CNTNAP3B: variants seen among roughly 807,000 people sequenced by gnomAD.
The protein encoded by CNTNAP3B is contactin associated protein family member 3B, also known as contactin-associated protein-like 3B.
A neutral mutation model predicts 108.9 loss-of-function variants in CNTNAP3B; 25 were observed. That is an observed-to-expected ratio of 0.23 (90% CI 0.17 to 0.32). The LOEUF is 0.32. CNTNAP3B is among the 10% of genes least tolerant of loss of function. The probability of loss-of-function intolerance (pLI) is 1.00; values close to 1 mark genes in which losing one functional copy is unlikely to be tolerated. For synonymous variants in CNTNAP3B, 103 were observed against 473.4 expected (o/e 0.22, Z 10.16); for missense variants, 252 against 1,210.4 (o/e 0.21, Z 11.75).
At chr9:41,928,503 A>G in intron 15 of CNTNAP3B, among the ~76,000 whole-genome samples, 1 of 152,070 alleles carries the variant, frequency 6.6e-6, no homozygotes, top group Non-Finnish European at 1.5e-5. Context: ...AGCTGCCTAC[A>G]CGATTGGCTA....
At chr9:41,973,747 C>A (rs1373876935) in intron 9 of CNTNAP3B, among the ~76,000 whole-genome samples, 1 of 139,484 alleles carries the variant, frequency 7.2e-6, no homozygotes, top group Non-Finnish European at 1.5e-5. Flanking sequence ...GCTTGAAAAA[C>A]ACTTCAAAAA....
intron 13 of CNTNAP3B, among the ~76,000 whole-genome samples, chr9:41,940,074 AC>A (rs1222769364): frequency 1.3e-5 from 2 of 152,298 alleles, no homozygotes. Context: ...ATCTAACCTG[AC>A]CAAAAAAGAG....
intron 2 of CNTNAP3B, among the ~76,000 whole-genome samples, chr9:42,095,570 T>C (rs1827882694): frequency 7.2e-6 from 1 of 138,070 alleles, no homozygotes; most frequent in Admixed American, 7.2e-5. Flanking sequence ...TCCGTCAGAA[T>C]CATTCTGCAG....
At chr9:41,995,790 C>T (rs1406377457) in intron 7 of CNTNAP3B, among the ~76,000 whole-genome samples, 1 of 135,056 alleles carries the variant, frequency 7.4e-6, no homozygotes, top group Admixed American at 7.3e-5. Flanking sequence ...AATCCCAGCA[C>T]TTTGGAAGGC....
chr9:41,977,345 T>C (rs1175434286), intron 9 of CNTNAP3B, among the ~76,000 whole-genome samples: 3 of 149,204 alleles, frequency 2.0e-5, no homozygotes, highest in Non-Finnish European at 4.4e-5. Context: ...TAGTGCTTCC[T>C]AAATATTTTA....
intron 14 of CNTNAP3B, among the ~76,000 whole-genome samples, chr9:41,935,264 G>C (rs1297882827): frequency 6.6e-6 from 1 of 152,208 alleles, no homozygotes; most frequent in East Asian, 1.9e-4. Flanking sequence ...GCTTAGACGA[G>C]TTGCTGATTA....
chr9:41,940,805 A>T (rs1258656152), intron 13 of CNTNAP3B, among the ~76,000 whole-genome samples: 4 of 152,114 alleles, frequency 2.6e-5, no homozygotes, highest in African/African-American at 9.7e-5. Flanking sequence ...ACAGAGTGAG[A>T]CTCCATCTCC....
At chr9:42,080,695 G>A (rs1265080511) in intron 2 of CNTNAP3B, among the ~76,000 whole-genome samples, 1 of 113,462 alleles carries the variant, frequency 8.8e-6, no homozygotes, top group South Asian at 2.9e-4. Context: ...CATAAAGTTG[G>A]GAGTGAGGGG....
intron 1 of CNTNAP3B, among the ~76,000 whole-genome samples, chr9:42,120,929 A>G (rs1377320251): frequency 7.2e-6 from 1 of 138,160 alleles, no homozygotes; most frequent in East Asian, 2.2e-4. Flanking sequence ...TATGCAACAA[A>G]CCTGCACGTT....
intron 9 of CNTNAP3B, among the ~76,000 whole-genome samples, chr9:41,972,969 A>G (rs62556376): frequency 1 from 79,486 of 79,582 alleles, 39,695 homozygotes; most frequent in Middle Eastern, 1. Context: ...CCTGAGTCTC[A>G]TGCTGTCACC....
chr9:41,934,358 A>G (rs1824088633), intron 14 of CNTNAP3B, among the ~76,000 whole-genome samples: 1 of 152,158 alleles, frequency 6.6e-6, no homozygotes. Context: ...AGCTGGGACT[A>G]CAGGCGCCCA....
chr9:42,123,769 T>C (rs2118751498), intron 1 of CNTNAP3B, among the ~76,000 whole-genome samples: 1 of 137,190 alleles, frequency 7.3e-6, no homozygotes, highest in East Asian at 2.2e-4. Context: ...GTTATATATT[T>C]CCTGGAAAAA....
chr9:41,913,588 A>T (rs1358114667), intron 18 of CNTNAP3B, among the ~76,000 whole-genome samples: 3 of 140,570 alleles, frequency 2.1e-5, no homozygotes, highest in African/African-American at 5.6e-5. Flanking sequence ...TTAAATTCAC[A>T]ATGTTGTGCA....
intron 8 of CNTNAP3B, among the ~76,000 whole-genome samples, chr9:41,986,566 G>T (rs1476013360): frequency 6.7e-6 from 1 of 149,564 alleles, no homozygotes; most frequent in East Asian, 2.0e-4. Flanking sequence ...AAAGTAACTA[G>T]AATTTAATTA....
intron 4 of CNTNAP3B, among the ~76,000 whole-genome samples, chr9:42,002,350 A>C (rs1404110749): frequency 1.6e-5 from 1 of 61,230 alleles, no homozygotes; most frequent in Non-Finnish European, 3.1e-5. Context: ...TAATATATCT[A>C]TCTCATTTTC....
chr9:42,113,157 G>T lies in CNTNAP3B; in HGVS notation c.86-8418C>A, dbSNP rs1384306946. 3.0e-5 allele frequency among the ~76,000 whole-genome samples: 4 copies of T among 135,140 alleles called. 1 individual carries two copies. Among genetic ancestry groups the T allele is most frequent in the Non-Finnish European group, 6.3e-5 (4 of 63,882 alleles). The allele number at this position is 135,140 out of a possible 152,430, so 88.7% of individuals were successfully genotyped here. On this transcript the variant is annotated intron_variant, in intron 1 of 23. Transcript: ENST00000377561. ...AAACATGTGGAGAGATGAAGGAGAT[G>T]GGATGGGAAAATCTGCATATGAGAA...
At chr9:41,943,099 G>A (rs1419760569) in intron 13 of CNTNAP3B, among the ~76,000 whole-genome samples, 1 of 152,290 alleles carries the variant, frequency 6.6e-6, no homozygotes, top group Non-Finnish European at 1.5e-5. Context: ...TTGAAAAAGT[G>A]GGCAACATGC....
At chr9:41,943,520 T>A (rs199975823) in intron 13 of CNTNAP3B, among the ~76,000 whole-genome samples, 1 of 152,030 alleles carries the variant, frequency 6.6e-6, no homozygotes, top group East Asian at 1.9e-4. Flanking sequence ...GCCCAGCTAA[T>A]TTTTTGTATT....
chr9:42,117,873 C>A (rs1828356310), intron 1 of CNTNAP3B, among the ~76,000 whole-genome samples: 1 of 139,208 alleles, frequency 7.2e-6, no homozygotes, highest in African/African-American at 2.8e-5. Flanking sequence ...GAAATACAAA[C>A]TACCATCAGA....
Sources: gnomAD v4.1 joint callset for allele counts (sites outside exome capture counted in the v4.1 genomes callset) on GRCh38, gnomAD v4.1.1 for gene constraint, MANE v1.5 for transcripts, NCBI Gene and HGNC (gene_info 2026-07-23, HGNC 2026-07-21) for gene names.